The following LANCL1 variants were observed in gnomAD, a reference collection of about 807,000 sequenced individuals.
LANCL1 encodes LanC like glutathione S-transferase 1.
LANCL1 carries 50 observed loss-of-function variants against 50.6 expected under a neutral mutation model. That is an observed-to-expected ratio of 0.99 (90% CI 0.79 to 1.25). The LOEUF (loss-of-function observed/expected upper bound fraction) is 1.25. Ranked by LOEUF, LANCL1 falls within the 50% of genes most tolerant of loss-of-function variation. The pLI is 0.00. For missense variants in LANCL1, 532 were observed against 480.7 expected (o/e 1.11, Z -1.00); for synonymous variants, 188 against 178.6 (o/e 1.05, Z -0.42).
At chr2:210,450,778 C>T (rs1045533020) in intron 4 of LANCL1, among the ~76,000 whole-genome samples, 3 of 152,046 alleles carry the variant, frequency 2.0e-5, no homozygotes, top group Non-Finnish European at 4.4e-5. Context: ...AACCACAATG[C>T]GATACCATCT....
At chr2:210,465,813 G>C (rs1405113988) in intron 3 of LANCL1, among the ~76,000 whole-genome samples, 2 of 152,138 alleles carry the variant, frequency 1.3e-5, no homozygotes, top group East Asian at 3.9e-4. Context: ...GAAAAATCGA[G>C]GAGAAAGGCT....
intron 4 of LANCL1, among the ~76,000 whole-genome samples, chr2:210,444,998 A>G (rs1465288578): frequency 6.6e-6 from 1 of 152,168 alleles, no homozygotes; most frequent in Non-Finnish European, 1.5e-5. Flanking sequence ...AGAAAACAAA[A>G]TGTGTTTATT....
Position 210,476,342 on chromosome 2 carries a change from C to T in LANCL1, c.55G>A (p.Glu19Lys), listed in dbSNP as rs778043288. Residue 19 changes from glutamate (E) to lysine (K), a missense_variant, in exon 2 of 10, where the codon GAA becomes AAA. By Grantham distance (56) the Glu-to-Lys change is moderately conservative (BLOSUM62 1). Coordinates refer to ENST00000450366, the MANE Select transcript of LANCL1 (RefSeq NM_006055.3). ...PYADYNKSLA[E>K]GYFDAAGRLT... ...CTCCCGGCAGCATCAAAGTAGCCTT[C>T]GGCCAGGGATTTGTTATAATCAGCA... 108 of 1,613,866 alleles carry T rather than the reference C, an allele frequency of 6.7e-5. No individual in the cohort carries two copies. The highest frequency in any genetic ancestry group is 9.1e-5 in the Non-Finnish European group (107 of 1,179,890).
At chr2:210,451,207 T>C (rs1421897603) in intron 4 of LANCL1, among the ~76,000 whole-genome samples, 1 of 152,106 alleles carries the variant, frequency 6.6e-6, no homozygotes, top group Non-Finnish European at 1.5e-5. Flanking sequence ...AAAACCATCA[T>C]TCTCAGCAAA....
chr2:210,455,423 A>C, intron 3 of LANCL1, 109 bp from the exon 4 acceptor site: 1 of 852,568 alleles, frequency 1.2e-6, no homozygotes, highest in Non-Finnish European at 1.8e-6. Flanking sequence ...TAGCAAATTT[A>C]TTAATGATCT....
At chr2:210,457,591 A>G (rs1255946005) in intron 3 of LANCL1, among the ~76,000 whole-genome samples, 1 of 152,188 alleles carries the variant, frequency 6.6e-6, no homozygotes, top group East Asian at 1.9e-4. Flanking sequence ...TGCAATGTTT[A>G]TCAAAATATA....
At position 210,476,747 on chromosome 2, in the gene LANCL1, G is replaced by A. The variant is rs958961918; in HGVS notation, c.-144C>T. The A allele has an allele frequency of 2.8e-6, 3 of 1,056,300 alleles. No individual in the cohort carries two copies. The highest frequency in any genetic ancestry group is 3.4e-6 in the Non-Finnish European group (3 of 873,776). 65.4% of individuals were successfully genotyped at this position (1,056,300 alleles called of 1,614,324 possible). On this transcript the variant is annotated 5_prime_UTR_variant, in exon 1 of 10. Coordinates refer to ENST00000450366, the MANE Select transcript of LANCL1 (RefSeq NM_006055.3). ...CCCGCAGCCCCGGACAGTAACAGAA[G>A]GGCTATTTTACCGCCCAGTTCCTGC...
intron 3 of LANCL1, among the ~76,000 whole-genome samples, chr2:210,458,209 T>C (rs1254684022): frequency 6.6e-6 from 1 of 152,166 alleles, no homozygotes; most frequent in Non-Finnish European, 1.5e-5. Flanking sequence ...GTCCATGGAT[T>C]GCCTACTTAC....
Position 210,458,669 on chromosome 2 carries a change from C to G in LANCL1, c.200-3355G>C, listed in dbSNP as rs151034903. ...AAGATGTCAAAATGCCTCCCGATGA[C>G]TAACTTCAACAGCTAAATGGAAAAT... On this transcript the variant is annotated intron_variant, in intron 3 of 9. Coordinates refer to ENST00000450366, the MANE Select transcript of LANCL1 (RefSeq NM_006055.3). Among the ~76,000 whole-genome samples, 4 of 152,244 alleles carry G rather than the reference C, an allele frequency of 2.6e-5. No individual in the cohort carries two copies. The East Asian group carries it at 7.7e-4, about 29-fold the overall frequency.
In LANCL1 at chr2:210,433,379, A is replaced by C. The variant is rs1574407819; in HGVS notation, c.*1108T>G. The C allele has an allele frequency of 6.6e-6, 1 of 152,216 alleles. No individual in the cohort carries two copies. Among genetic ancestry groups the C allele is most frequent in the Non-Finnish European group, 1.5e-5 (1 of 68,030 alleles). 9.4% of individuals were successfully genotyped at this position (152,216 alleles called of 1,614,324 possible). A position where few individuals can be genotyped will look rare whatever the true frequency, so the allele number is the denominator to read the frequency against. On this transcript the variant is annotated 3_prime_UTR_variant, in exon 10 of 10. Coordinates refer to ENST00000450366, the MANE Select transcript of LANCL1 (RefSeq NM_006055.3). The stretch of plus-strand genomic sequence containing the variant: ...TCTGGATAATACCTCCTCAATAAAA[A>C]GCATTTCTATTAAATGCTTAGTTTA...
chr2:210,467,163 T>C (rs572879137), intron 3 of LANCL1, among the ~76,000 whole-genome samples: 85 of 152,348 alleles, frequency 5.6e-4, no homozygotes, highest in African/African-American at 1.8e-3. Flanking sequence ...GATTATTCAA[T>C]ACTGCTTTTT....
chr2:210,458,257 T>C (rs1029089960), intron 3 of LANCL1, among the ~76,000 whole-genome samples: 2 of 152,178 alleles, frequency 1.3e-5, no homozygotes, highest in African/African-American at 4.8e-5. Context: ...TTAAAGCCAC[T>C]GTTATTTTAG....
At chr2:210,445,103 C>T (rs1352963837) in intron 4 of LANCL1, among the ~76,000 whole-genome samples, 1 of 151,394 alleles carries the variant, frequency 6.6e-6, no homozygotes, top group African/African-American at 2.4e-5. Flanking sequence ...TATAGAAGTT[C>T]AATATAAAGT....
At chr2:210,454,936 T>C (rs1392677978) in intron 4 of LANCL1, among the ~76,000 whole-genome samples, 171 bp downstream of exon 4, 2 of 152,378 alleles carry the variant, frequency 1.3e-5, no homozygotes, top group East Asian at 1.9e-4. Flanking sequence ...ATAGGGATTA[T>C]AATCGTTGTT....
intron 4 of LANCL1, among the ~76,000 whole-genome samples, chr2:210,446,870 A>G (rs1397676353): frequency 6.6e-6 from 1 of 152,000 alleles, no homozygotes; most frequent in Non-Finnish European, 1.5e-5. Context: ...GATCAAACCT[A>G]CATTTGCTGT....
At chr2:210,445,681 TCAAA>T (rs1431878193) in intron 4 of LANCL1, among the ~76,000 whole-genome samples, 1 of 152,186 alleles carries the variant, frequency 6.6e-6, no homozygotes, top group Non-Finnish European at 1.5e-5. Context: ...TCAGAAACTC[TCAAA>T]CTAACAAGCA....
chr2:210,464,986 A>AG (rs1246985321), intron 3 of LANCL1, among the ~76,000 whole-genome samples: 3 of 99,136 alleles, frequency 3.0e-5, no homozygotes, highest in Non-Finnish European at 4.6e-5. Flanking sequence ...AAAAAAAAAA[A>AG]AAAAACTTAT....
chr2:210,456,388 C>T (rs1393635521), intron 3 of LANCL1, among the ~76,000 whole-genome samples: 1 of 152,140 alleles, frequency 6.6e-6, no homozygotes, highest in Non-Finnish European at 1.5e-5. Flanking sequence ...CATGGGTAAT[C>T]TCCAAAGCTT....
chr2:210,474,591 TGGTGTG>T (rs1694304720), intron 2 of LANCL1, among the ~76,000 whole-genome samples: 1 of 149,922 alleles, frequency 6.7e-6, no homozygotes. Context: ...CCAGGTGCGG[TGGTGTG>T]CACCTGTAAT....
Sources: gnomAD v4.1 joint callset for allele counts (sites outside exome capture counted in the v4.1 genomes callset) on GRCh38, gnomAD v4.1.1 for gene constraint, MANE v1.5 for transcripts, NCBI Gene and HGNC (gene_info 2026-07-23, HGNC 2026-07-21) for gene names.